Variants in OGG1 observed in about 807,000 individuals in gnomAD.
OGG1 encodes N-glycosylase/DNA lyase.
OGG1 carries 35 observed loss-of-function variants against 42.3 expected under a neutral mutation model. That is an observed-to-expected ratio of 0.83 (90% CI 0.63 to 1.10). The LOEUF is 1.10. Ranked by LOEUF, OGG1 falls within the 50% of genes least tolerant of loss-of-function variation. The pLI, the probability that OGG1 is intolerant of heterozygous loss-of-function variation, is 0.00. For missense variants in OGG1, 484 were observed against 446.7 expected (o/e 1.08, Z -0.75); for synonymous variants, 189 against 179.0 (o/e 1.06, Z -0.44).
chr3:9,754,054 G>A (rs534064198), intron 3 of OGG1, among the ~76,000 whole-genome samples: 1 of 152,250 alleles, frequency 6.6e-6, no homozygotes, highest in South Asian at 2.1e-4. Flanking sequence ...TGGGAGGATC[G>A]CTTGAGCCTT....
chr3:9,763,027 G>T (rs768294099), intron 7 of OGG1: 1 of 1,613,940 alleles, frequency 6.2e-7, no homozygotes, highest in African/African-American at 1.3e-5. Flanking sequence ...TCCACAATAC[G>T]GTCAAAGAGC....
intron 3 of OGG1, among the ~76,000 whole-genome samples, chr3:9,785,706 A>C (rs1219558207): frequency 1.3e-5 from 2 of 152,234 alleles, no homozygotes; most frequent in African/African-American, 2.4e-5. Flanking sequence ...TCTGCAACGC[A>C]CCAGGCAGTG....
At chr3:9,779,304 C>CATG (rs1349731749) in intron 2 of OGG1, among the ~76,000 whole-genome samples, 1 of 152,200 alleles carries the variant, frequency 6.6e-6, no homozygotes, top group African/African-American at 2.4e-5. Context: ...GCCACTGAAA[C>CATG]ATGATGGTAT....
chr3:9,764,430 A>G (rs578048586), intron 7 of OGG1, among the ~76,000 whole-genome samples: 1 of 151,780 alleles, frequency 6.6e-6, no homozygotes, highest in Admixed American at 6.6e-5. Context: ...CTTCTTTCTC[A>G]GCCTCTCAAG....
intron 2 of OGG1, among the ~76,000 whole-genome samples, chr3:9,780,778 C>G (rs898865590): frequency 6.6e-6 from 1 of 152,150 alleles, no homozygotes; most frequent in African/African-American, 2.4e-5. Context: ...CATGTGGGGA[C>G]AGGGAGATAC....
At chr3:9,758,588 G>T (rs755499328), downstream of OGG1, 1 of 157,046 alleles carries the variant, frequency 6.4e-6, no homozygotes. Context: ...CTCCTAATGC[G>T]TCACCCAGTC....
Position 9,754,415 on chromosome 3 carries a change from G to A in OGG1, c.566-289G>A, listed in dbSNP as rs534023693. ...TGAACACTCTTTCGGAAAGGTTAAG[G>A]AACTCAGTTGGGGAGCTCCTCAAGG... On this transcript the variant is annotated intron_variant, in intron 3 of 6. Coordinates refer to ENST00000344629, the MANE Select transcript of OGG1 (RefSeq NM_002542.6). 2.0e-5 allele frequency among the ~76,000 whole-genome samples: 3 copies of A among 152,278 alleles called. No individual in the cohort carries two copies. The South Asian group carries it at 6.2e-4, about 32-fold the overall frequency.
At position 9,776,273 on chromosome 3, in the gene OGG1, T is replaced by A. The variant is rs1485576020; in HGVS notation, c.295-5240T>A. ...TGGAATGTTATCTTCTGCCCAGCAA[T>A]TTTCTTTCCACATCCTCCCTGAAGC... On this transcript the variant is annotated intron_variant, in intron 2 of 3. Coordinates refer to the OGG1 transcript ENST00000426518. Among the ~76,000 whole-genome samples, 7 of 152,152 alleles carry A rather than the reference T, an allele frequency of 4.6e-5. No homozygotes were observed. The East Asian group carries it at 7.7e-4, about 17-fold the overall frequency.
chr3:9,757,966 TATTA>T (rs535217013), downstream of OGG1: 93 of 1,468,132 alleles, frequency 6.3e-5, no homozygotes, highest in East Asian at 7.8e-4. The surrounding 1 kb of genome is among the most constrained non-coding windows in gnomAD (Gnocchi z 4.5). Context: ...GGAGTTATTT[TATTA>T]ATTCCCCTAA....
chr3:9,757,673 A>G (rs758591326), downstream of OGG1: 1 of 1,614,112 alleles, frequency 6.2e-7, no homozygotes, highest in Non-Finnish European at 8.5e-7. This position sits in a 1 kb window ranked among gnomAD's most constrained non-coding sequence, Gnocchi z 4.5. Context: ...CCTCCACTCC[A>G]GCCCGGGTGC....
chr3:9,787,100 G>A (rs956751577), intron 3 of OGG1: 1 of 1,614,202 alleles, frequency 6.2e-7, no homozygotes, highest in Non-Finnish European at 8.5e-7. Flanking sequence ...CTTCAGCAGG[G>A]CATCCACATC....
chr3:9,763,202 G>A lies in OGG1; in HGVS notation c.1049-2607G>A, dbSNP rs754227326. 1.2e-6 allele frequency: 2 copies of A among 1,613,734 alleles called. No homozygotes were observed. The highest frequency in any genetic ancestry group is 1.7e-5 in the Admixed American group (1 of 59,980). On this transcript the variant is annotated intron_variant, in intron 7 of 7. Coordinates refer to the OGG1 transcript ENST00000302008. ...GATGTCATCCAGGGCTACAATGTTG[G>A]GGTGCTTGATCCTGAAAGGAGAAAT...
chr3:9,750,348 C>T lies in OGG1; in HGVS notation c.62C>T (p.Ala21Val), dbSNP rs1351729527. 2 of 1,613,860 alleles carry T rather than the reference C, an allele frequency of 1.2e-6. No individual in the cohort carries two copies. The highest frequency in any genetic ancestry group is 1.7e-5 in the Admixed American group (1 of 60,004). The change falls in exon 1 of 7, where the codon GCC (alanine) becomes GTC (valine). Residue 21 changes from alanine (A) to valine (V), a missense_variant. Transcript: ENST00000344629. ...CATCGTACTCTAGCCTCCACTCCTG[C>T]CCTGTGGGCCTCCATCCCGTGCCCT... ...MGHRTLASTP[A>V]LWASIPCPRS...
intron 4 of OGG1, among the ~76,000 whole-genome samples, 160 bp from the exon 5 acceptor site, chr3:9,756,311 C>CAA (rs201763685): frequency 6.6e-6 from 1 of 150,676 alleles, no homozygotes; most frequent in Non-Finnish European, 1.5e-5. Flanking sequence ...CAAAAACAAA[C>CAA]AAAAAAAAAG....
At position 9,756,907 on chromosome 3, in the gene OGG1, G is replaced by A. The variant is rs772282986; in HGVS notation, c.948+91G>A. The A allele has an allele frequency of 2.5e-6, 4 of 1,612,008 alleles. No homozygotes were observed. In the South Asian group the frequency reaches 3.3e-5, roughly 13 times the overall value. The stretch of plus-strand genomic sequence containing the variant: ...ACCACCGCCCCAGGTGGCCCTAAAG[G>A]ACTCTCCAGCCACCCCTGTCCCAAC... On this transcript the variant is annotated intron_variant, in intron 6 of 6. Coordinates refer to ENST00000344629, the MANE Select transcript of OGG1 (RefSeq NM_002542.6).
downstream of OGG1, among the ~76,000 whole-genome samples, chr3:9,770,371 C>T (rs1646967650): frequency 6.6e-6 from 1 of 151,814 alleles, no homozygotes; most frequent in South Asian, 2.1e-4. Flanking sequence ...TGGAACTGCA[C>T]GGGAGTCTGG....
In OGG1 at chr3:9,753,708, A is replaced by C. The variant is rs180707228; in HGVS notation, c.566-996A>C. On this transcript the variant is annotated intron_variant, in intron 3 of 6. Coordinates refer to ENST00000344629, the MANE Select transcript of OGG1 (RefSeq NM_002542.6). ...GTCTCAGCTCCTGGCTTAGTTAGTCATAAGGCCTCAAGAAAGTCATTCACC... is the reference window on the plus strand; with the variant it reads ...GTCTCAGCTCCTGGCTTAGTTAGTCCTAAGGCCTCAAGAAAGTCATTCACC... Among the ~76,000 whole-genome samples the C allele has an allele frequency of 8.5e-5, 13 of 152,088 alleles. No homozygotes were observed. The East Asian group carries it at 2.5e-3, about 29-fold the overall frequency.
At chr3:9,758,278 C>G (rs2077680730), downstream of OGG1, 2 of 158,496 alleles carry the variant, frequency 1.3e-5, no homozygotes, top group Non-Finnish European at 2.8e-5. Flanking sequence ...AATATCTCCA[C>G]CTAGGTGTCC....
At chr3:9,756,710 T>C (rs1021397846) in intron 5 of OGG1, 57 bp from the exon 6 acceptor site, 2 of 1,613,756 alleles carry the variant, frequency 1.2e-6, no homozygotes, top group African/African-American at 2.7e-5. Context: ...AGACCCTACT[T>C]CTGTTGATGG....
Sources: allele counts gnomAD v4.1 joint callset (sites outside exome capture counted in the v4.1 genomes callset), GRCh38; gene constraint gnomAD v4.1.1; non-coding constraint Gnocchi (gnomAD v3.1); transcripts MANE v1.5; gene names NCBI Gene and HGNC (gene_info 2026-07-23, HGNC 2026-07-21).